Variants in ASB13 observed in about 807,000 individuals in gnomAD.
ASB13 encodes ankyrin repeat and SOCS box containing 13, also known as ankyrin repeat and SOCS box protein 13.
In ASB13, 33 loss-of-function variants were observed where a neutral mutation model predicts 28.8. The observed-to-expected ratio is 1.15, with a 90% CI of 0.87 to 1.53. ASB13 has a LOEUF of 1.53. Among genes scored for constraint, ASB13 ranks in the 40% most tolerant of loss-of-function variants. The probability of loss-of-function intolerance (pLI) is 0.00; values close to 1 mark genes in which losing one functional copy is unlikely to be tolerated. For missense variants in ASB13, 414 were observed against 390.1 expected (o/e 1.06, Z -0.52); for synonymous variants, 182 against 172.9 (o/e 1.05, Z -0.41).
rs368544336 is a variant in ASB13 at position 5,649,731 on chromosome 10, T to TTG, written c.383-628_383-627insCA. ...TTAGTAGAGACAGGGTTTCACCATG[T>TTG]GCCAGGCTGGTCTCAAACTCCTGAC... is the stretch of plus-strand genomic sequence containing the variant. On this transcript the variant is annotated intron_variant, in intron 3 of 5. Coordinates refer to ENST00000357700, the MANE Select transcript of ASB13 (RefSeq NM_024701.4). The surrounding 1 kb of genome is among the most constrained non-coding windows in gnomAD (Gnocchi z 6.4). 0.3 allele frequency among the ~76,000 whole-genome samples: 45,419 copies of TTG among 151,608 alleles called. 7,118 individuals are homozygous for TTG. The highest frequency in any genetic ancestry group is 0.44 in the Middle Eastern group (129 of 294).
Position 5,642,380 on chromosome 10 carries a change from C to T in ASB13, c.518-419G>A, listed in dbSNP as rs1170021750. 2.9e-6 allele frequency: 2 copies of T among 686,530 alleles called. No individual in the cohort carries two copies. The highest frequency in any genetic ancestry group is 4.8e-5 in the Admixed American group (1 of 20,900). 42.5% of individuals were successfully genotyped at this position (686,530 alleles called of 1,614,324 possible). On this transcript the variant is annotated intron_variant, in intron 4 of 5. Coordinates refer to ENST00000357700, the MANE Select transcript of ASB13 (RefSeq NM_024701.4). This position sits in a 1 kb window ranked among gnomAD's most constrained non-coding sequence, Gnocchi z 4.1. Reference sequence around the variant, plus strand: ...ACACTGCTTCTTCCTCTTGCGGGCCCAGGACGGAGGCTCCAGAAATACTGG... The same window carrying T: ...ACACTGCTTCTTCCTCTTGCGGGCCTAGGACGGAGGCTCCAGAAATACTGG...
chr10:5,639,209 G>A lies in ASB13; in HGVS notation c.*1494C>T, dbSNP rs772593955. 7 of 152,572 alleles carry A rather than the reference G, an allele frequency of 4.6e-5. No individual in the cohort carries two copies. The highest frequency in any genetic ancestry group is 2.6e-4 in the Admixed American group (4 of 15,268). 9.5% of individuals were successfully genotyped at this position (152,572 alleles called of 1,614,324 possible). On this transcript the variant is annotated 3_prime_UTR_variant, in exon 6 of 6. Transcript: ENST00000357700. ...TGTGGCCCCACCCCCAAGTACCCAC[G>A]CGGAGAGGCCTCCAGTCATACAGCA...
chr10:5,650,324 A>C lies in ASB13; in HGVS notation c.382+889T>G, dbSNP rs1388725312. Among the ~76,000 whole-genome samples the C allele has an allele frequency of 6.6e-6, 1 of 152,182 alleles. No individual in the cohort carries two copies. Among genetic ancestry groups the C allele is most frequent in the Non-Finnish European group, 1.5e-5 (1 of 68,030 alleles). On this transcript the variant is annotated intron_variant, in intron 3 of 5. Coordinates refer to ENST00000357700, the MANE Select transcript of ASB13 (RefSeq NM_024701.4). This position sits in a 1 kb window ranked among gnomAD's most constrained non-coding sequence, Gnocchi z 6.0. ...GAGGACCACTAAATGAACCTTCCCC[A>C]AATTCTGTTTTCCTGACCCTCGACA...
chr10:5,665,462 A>G (rs2131461749), intron 1 of ASB13, among the ~76,000 whole-genome samples: 1 of 152,378 alleles, frequency 6.6e-6, no homozygotes, highest in East Asian at 1.9e-4. Context: ...CAAACGATGC[A>G]GAAGACATGC....
rs1234141262 is a variant in ASB13, at chr10:5,662,566, G to C, written c.43+3943C>G. On this transcript the variant is annotated intron_variant, in intron 1 of 5. Coordinates refer to ENST00000357700, the MANE Select transcript of ASB13 (RefSeq NM_024701.4). ...GAGGGGAGGGGAGGGGAGGGGAGGGGAGAAGAGAAGAGAAGAGAAGAGAAG... is the reference window on the plus strand; with the variant it reads ...GAGGGGAGGGGAGGGGAGGGGAGGGCAGAAGAGAAGAGAAGAGAAGAGAAG... Among the ~76,000 whole-genome samples the C allele has an allele frequency of 5.5e-4, 20 of 36,652 alleles. 3 individuals are homozygous for C. The highest frequency in any genetic ancestry group is 2.3e-3 in the African/African-American group (20 of 8,654). The allele number at this position is 36,652 out of a possible 152,430, so 24.0% of individuals were successfully genotyped here.
At position 5,656,751 on chromosome 10, in the gene ASB13, A is replaced by C. The variant is rs1588517146; in HGVS notation, c.44-3701T>G. 6.6e-6 allele frequency among the ~76,000 whole-genome samples: 1 copy of C among 152,222 alleles called. No homozygotes were observed. Among genetic ancestry groups the C allele is most frequent in the East Asian group, 1.9e-4 (1 of 5,202 alleles). On this transcript the variant is annotated intron_variant, in intron 1 of 5. Coordinates refer to ENST00000357700, the MANE Select transcript of ASB13 (RefSeq NM_024701.4). This position sits in a 1 kb window ranked among gnomAD's most constrained non-coding sequence, Gnocchi z 4.3. The stretch of plus-strand genomic sequence containing the variant: ...CTATGTTTTGTTAAAGATTTATAGG[A>C]GCACTGCGACCTGATCAAGGACAAA...
rs1429929235 is a variant in ASB13, at chr10:5,656,910, C to T, written c.44-3860G>A. Reference sequence around the variant, plus strand: ...AACCCGAAACCTGTACTGACTTAGACGGCACTTTAGACACTTATCTACCAT... The same window carrying T: ...AACCCGAAACCTGTACTGACTTAGATGGCACTTTAGACACTTATCTACCAT... On this transcript the variant is annotated intron_variant, in intron 1 of 5. Coordinates refer to ENST00000357700, the MANE Select transcript of ASB13 (RefSeq NM_024701.4). The surrounding 1 kb of genome is among the most constrained non-coding windows in gnomAD (Gnocchi z 4.3). 6.6e-6 allele frequency among the ~76,000 whole-genome samples: 1 copy of T among 152,176 alleles called. No individual in the cohort carries two copies. The highest frequency in any genetic ancestry group is 2.1e-4 in the South Asian group (1 of 4,824).
rs58055016 is a variant in ASB13 at position 5,656,013 on chromosome 10, A to G, written c.44-2963T>C. On this transcript the variant is annotated intron_variant, in intron 1 of 5. Coordinates refer to ENST00000357700, the MANE Select transcript of ASB13 (RefSeq NM_024701.4). This position sits in a 1 kb window ranked among gnomAD's most constrained non-coding sequence, Gnocchi z 4.3. Reference sequence around the variant, plus strand: ...AATAAATGCGCAGATAATTCACAACATGACAACTGCGATCATGTCTGGTGA... The same window carrying G: ...AATAAATGCGCAGATAATTCACAACGTGACAACTGCGATCATGTCTGGTGA... 0.014 allele frequency among the ~76,000 whole-genome samples: 2,171 copies of G among 152,284 alleles called. 54 individuals carry two copies. The highest frequency in any genetic ancestry group is 0.049 in the African/African-American group (2,056 of 41,540).
chr10:5,658,810 C>T lies in ASB13; in HGVS notation c.44-5760G>A, dbSNP rs1835111895. Among the ~76,000 whole-genome samples the T allele has an allele frequency of 6.6e-6, 1 of 152,154 alleles. No homozygotes were observed. Among genetic ancestry groups the T allele is most frequent in the South Asian group, 2.1e-4 (1 of 4,820 alleles). ...GGGACTGTCACCCGCAGGCTGTCCT[C>T]ATAGGAGATTTACAGTGGGGAAGGG... On this transcript the variant is annotated intron_variant, in intron 1 of 5. Transcript: ENST00000357700. The surrounding 1 kb of genome is among the most constrained non-coding windows in gnomAD (Gnocchi z 4.2).
chr10:5,645,611 A>T lies in ASB13; in HGVS notation c.517+3359T>A, dbSNP rs528529741. 7.2e-5 allele frequency among the ~76,000 whole-genome samples: 11 copies of T among 152,074 alleles called. No homozygotes were observed. Among genetic ancestry groups the T allele is most frequent in the Non-Finnish European group, 1.5e-4 (10 of 68,012 alleles). On this transcript the variant is annotated intron_variant, in intron 4 of 5. Coordinates refer to ENST00000357700, the MANE Select transcript of ASB13 (RefSeq NM_024701.4). This position sits in a 1 kb window ranked among gnomAD's most constrained non-coding sequence, Gnocchi z 5.4. Reference sequence around the variant, plus strand: ...CAGCTCTCAAACCGCACATGAAAGCACCTGCACTCATGTGGGCCCCGACTG... The same window carrying T: ...CAGCTCTCAAACCGCACATGAAAGCTCCTGCACTCATGTGGGCCCCGACTG...
rs556393623 is a variant in ASB13, at chr10:5,660,906, G to A, written c.43+5603C>T. 2.6e-5 allele frequency among the ~76,000 whole-genome samples: 4 copies of A among 152,272 alleles called. No homozygotes were observed. Among genetic ancestry groups the A allele is most frequent in the Admixed American group, 6.5e-5 (1 of 15,284 alleles). On this transcript the variant is annotated intron_variant, in intron 1 of 5. Coordinates refer to ENST00000357700, the MANE Select transcript of ASB13 (RefSeq NM_024701.4). The surrounding 1 kb of genome is among the most constrained non-coding windows in gnomAD (Gnocchi z 6.1). ...CTTGCAAGCCACCCAGCAGTGTGCC[G>A]GGCCATCTCGCCAGCTGGCTGCTGC...
Position 5,642,295 on chromosome 10 carries a change from T to A in ASB13, c.518-334A>T, listed in dbSNP as rs530443909. On this transcript the variant is annotated intron_variant, in intron 4 of 5. Transcript: ENST00000357700. The surrounding 1 kb of genome is among the most constrained non-coding windows in gnomAD (Gnocchi z 4.1). The stretch of plus-strand genomic sequence containing the variant: ...CAATCTGCCTTCAGGGGTCCTGAGA[T>A]TTCCGGAAGCTCAAACCAGAGCCAC... Among the ~76,000 whole-genome samples the A allele has an allele frequency of 6.6e-6, 1 of 152,132 alleles. No homozygotes were observed. The highest frequency in any genetic ancestry group is 1.9e-4 in the East Asian group (1 of 5,186).
In ASB13 at chr10:5,659,229, ACCCGAGACTCCATGCCGTGCTGGCGAGTT is replaced by A. The variant is rs1835119972; in HGVS notation, c.44-6208_44-6180del. On this transcript the variant is annotated intron_variant, in intron 1 of 5. Coordinates refer to ENST00000357700, the MANE Select transcript of ASB13 (RefSeq NM_024701.4). This position sits in a 1 kb window ranked among gnomAD's most constrained non-coding sequence, Gnocchi z 5.8. ...CCCTTGGCGGAGCACCGCCTTGGAA[ACCCGAGACTCCATGCCGTGCTGGCGAGTT>A]CCCTCCGGGACTCACGTTCTGCCCC... Among the ~76,000 whole-genome samples, 1 of 152,018 alleles carries A rather than the reference ACCCGAGACTCCATGCCGTGCTGGCGAGTT, an allele frequency of 6.6e-6. No homozygotes were observed. Among genetic ancestry groups the A allele is most frequent in the Admixed American group, 6.6e-5 (1 of 15,262 alleles).
In ASB13 at chr10:5,660,400, C is replaced by A. The variant is rs1315134811; in HGVS notation, c.43+6109G>T. Among the ~76,000 whole-genome samples the A allele has an allele frequency of 6.6e-6, 1 of 152,190 alleles. No individual in the cohort carries two copies. The highest frequency in any genetic ancestry group is 1.5e-5 in the Non-Finnish European group (1 of 68,030). On this transcript the variant is annotated intron_variant, in intron 1 of 5. Coordinates refer to ENST00000357700, the MANE Select transcript of ASB13 (RefSeq NM_024701.4). The surrounding 1 kb of genome is among the most constrained non-coding windows in gnomAD (Gnocchi z 6.1). Reference sequence around the variant, plus strand: ...ACACCCTCCCATCTAAGGCTGTGCCCTGCCCCAGGACTGACCTGTCCTTTG... The same window carrying A: ...ACACCCTCCCATCTAAGGCTGTGCCATGCCCCAGGACTGACCTGTCCTTTG...
At position 5,652,993 on chromosome 10, in the gene ASB13, T is replaced by C. The variant is rs1166658625; in HGVS notation, c.101A>G (p.Gln34Arg). The change falls in exon 2 of 6, where the codon CAG becomes CGG. Residue 34 changes from glutamine to arginine, a missense_variant. Physicochemically the swap from Gln to Arg is conservative, Grantham distance 43. Coordinates refer to ENST00000357700, the MANE Select transcript of ASB13 (RefSeq NM_024701.4). The surrounding 1 kb of genome is among the most constrained non-coding windows in gnomAD (Gnocchi z 5.0). ...HEAAQRGESL[Q>R]LQQLIESGAC... is the part of the protein sequence containing the mutation. ...GCCGCTCTCGATCAGCTGTTGCAGCTGCAGGCTCTCACCCCGCTGGGCTGC... is the reference window on the plus strand; with the variant it reads ...GCCGCTCTCGATCAGCTGTTGCAGCCGCAGGCTCTCACCCCGCTGGGCTGC... 1.4e-5 allele frequency: 22 copies of C among 1,553,622 alleles called. No homozygotes were observed. Among genetic ancestry groups the C allele is most frequent in the Non-Finnish European group, 1.9e-5 (22 of 1,148,204 alleles).
At chr10:5,653,883 T>C (rs1050623655) in intron 1 of ASB13, among the ~76,000 whole-genome samples, 1 of 152,128 alleles carries the variant, frequency 6.6e-6, no homozygotes. Context: ...GGTTTCACCA[T>C]ACTGGCCAGG....
rs1443029100 is a variant in ASB13 at position 5,656,632 on chromosome 10, A to G, written c.44-3582T>C. 1.3e-5 allele frequency among the ~76,000 whole-genome samples: 2 copies of G among 152,230 alleles called. No individual in the cohort carries two copies. The highest frequency in any genetic ancestry group is 2.9e-5 in the Non-Finnish European group (2 of 68,040). Reference sequence around the variant, plus strand: ...TATCCATTCTTACACAGAGGCTAGGATAATTTTAGAGCATTAAGATAATAT... The same window carrying G: ...TATCCATTCTTACACAGAGGCTAGGGTAATTTTAGAGCATTAAGATAATAT... On this transcript the variant is annotated intron_variant, in intron 1 of 5. Transcript: ENST00000357700. The surrounding 1 kb of genome is among the most constrained non-coding windows in gnomAD (Gnocchi z 4.3).
In ASB13 at chr10:5,661,711, C is replaced by T. The variant is rs1835169688; in HGVS notation, c.43+4798G>A. On this transcript the variant is annotated intron_variant, in intron 1 of 5. Transcript: ENST00000357700. This position sits in a 1 kb window ranked among gnomAD's most constrained non-coding sequence, Gnocchi z 4.9. ...ACAGGGTTTCACCATGTTGCCCAGGCTGGTCTCAAACTCCTGGGTTCAAGT... is the reference window on the plus strand; with the variant it reads ...ACAGGGTTTCACCATGTTGCCCAGGTTGGTCTCAAACTCCTGGGTTCAAGT... 6.6e-6 allele frequency among the ~76,000 whole-genome samples: 1 copy of T among 152,088 alleles called. No homozygotes were observed. The highest frequency in any genetic ancestry group is 2.1e-4 in the South Asian group (1 of 4,822).
chr10:5,659,788 C>T lies in ASB13; in HGVS notation c.43+6721G>A. On this transcript the variant is annotated intron_variant, in intron 1 of 5. Transcript: ENST00000357700. This position sits in a 1 kb window ranked among gnomAD's most constrained non-coding sequence, Gnocchi z 5.8. ...ACCACAGCTAGCCAGCCTCCCCACA[C>T]AGGCTGCTCGTGCAGGTATCTGAAT... 6.6e-6 allele frequency among the ~76,000 whole-genome samples: 1 copy of T among 152,130 alleles called. No homozygotes were observed. The highest frequency in any genetic ancestry group is 1.9e-4 in the East Asian group (1 of 5,174).
Sources: allele counts gnomAD v4.1 joint callset (sites outside exome capture counted in the v4.1 genomes callset), GRCh38; gene constraint gnomAD v4.1.1; non-coding constraint Gnocchi (gnomAD v3.1); transcripts MANE v1.5; gene names NCBI Gene and HGNC (gene_info 2026-07-23, HGNC 2026-07-21).